Variants in CCDC148 observed in about 807,000 individuals in gnomAD.
CCDC148 encodes coiled-coil domain containing 148.
CCDC148 carries 89 observed loss-of-function variants against 85.7 expected under a neutral mutation model. The ratio of observed to expected loss-of-function variants is 1.04; its 90% CI spans 0.87 to 1.24. The LOEUF (loss-of-function observed/expected upper bound fraction) is 1.24. Among genes scored for constraint, CCDC148 ranks in the 50% most tolerant of loss-of-function variants. The pLI is 0.00. For missense variants in CCDC148, 692 were observed against 671.7 expected (o/e 1.03, Z -0.33); for synonymous variants, 230 against 213.9 (o/e 1.08, Z -0.66).
At position 158,456,462 on chromosome 2, in the gene CCDC148, C is replaced by T; in HGVS notation, c.-23G>A. 1.2e-6 allele frequency: 2 copies of T among 1,608,048 alleles called. No individual in the cohort carries two copies. Among genetic ancestry groups the T allele is most frequent in the East Asian group, 2.2e-5 (1 of 44,794 alleles). The stretch of plus-strand genomic sequence containing the variant: ...CATGTCAAAGGTCAAAGGGCATAGC[C>T]TCAGGGACTCCCCAAACGCAGGAAA... On this transcript the variant is annotated 5_prime_UTR_variant, in exon 1 of 14. Coordinates refer to ENST00000283233, the MANE Select transcript of CCDC148 (RefSeq NM_138803.4).
intron 1 of CCDC148, among the ~76,000 whole-genome samples, chr2:158,432,522 C>T (rs1350266977): frequency 6.6e-6 from 1 of 152,128 alleles, no homozygotes. Flanking sequence ...CTAAATGACA[C>T]AAATAGCCAA....
intron 1 of CCDC148, among the ~76,000 whole-genome samples, chr2:158,411,673 T>C (rs1394478586): frequency 6.6e-6 from 1 of 152,192 alleles, no homozygotes; most frequent in African/African-American, 2.4e-5. Flanking sequence ...TGTCAGGCAA[T>C]TTGTAGATCC....
intron 1 of CCDC148, among the ~76,000 whole-genome samples, chr2:158,437,720 T>C (rs1268741632): frequency 6.6e-6 from 1 of 152,116 alleles, no homozygotes; most frequent in Non-Finnish European, 1.5e-5. Context: ...ATTGTATATC[T>C]AGAAAACCCC....
chr2:158,345,850 G>A (rs1682969511), intron 2 of CCDC148, among the ~76,000 whole-genome samples: 1 of 152,082 alleles, frequency 6.6e-6, no homozygotes, highest in African/African-American at 2.4e-5. Context: ...AAGGTTCCTT[G>A]GATAAGTTTT....
Position 158,250,771 on chromosome 2 carries a change from C to CA in CCDC148, c.1251_1251+1insT (p.Ile418TyrfsTer32), listed in dbSNP as rs1553488897. ...ATTCGTATTGACAATAGATTTTTTA[C>CA]TTTTTTTTTCTTCTCTGCTCTTTGC... On this transcript the variant is annotated frameshift_variant and splice_region_variant. Transcript: ENST00000283233. LOFTEE classifies it high-confidence loss of function. 1 of 1,535,178 alleles carries CA rather than the reference C, an allele frequency of 6.5e-7. No homozygotes were observed. The highest frequency in any genetic ancestry group is 1.4e-5 in the African/African-American group (1 of 71,844).
At chr2:158,415,520 C>T (rs867236381) in intron 1 of CCDC148, among the ~76,000 whole-genome samples, 1 of 152,240 alleles carries the variant, frequency 6.6e-6, no homozygotes, top group African/African-American at 2.4e-5. Flanking sequence ...ACAATCATCC[C>T]TTCTCAACAG....
At chr2:158,400,314 C>T (rs1685720611) in intron 1 of CCDC148, among the ~76,000 whole-genome samples, 1 of 152,138 alleles carries the variant, frequency 6.6e-6, no homozygotes, top group African/African-American at 2.4e-5. Flanking sequence ...AACTATACTA[C>T]AAGGCTACAG....
At chr2:158,254,151 T>G (rs1230923468) in intron 9 of CCDC148, among the ~76,000 whole-genome samples, 1 of 151,736 alleles carries the variant, frequency 6.6e-6, no homozygotes, top group East Asian at 1.9e-4. Flanking sequence ...GGTTTATATT[T>G]GGATTCTGAT....
At chr2:158,408,806 C>T (rs1686134383) in intron 1 of CCDC148, among the ~76,000 whole-genome samples, 1 of 151,998 alleles carries the variant, frequency 6.6e-6, no homozygotes, top group Non-Finnish European at 1.5e-5. Flanking sequence ...TACATCCCCA[C>T]CAATAATGTC....
At chr2:158,176,914 T>C (rs1684618468) in intron 12 of CCDC148, among the ~76,000 whole-genome samples, 1 of 152,130 alleles carries the variant, frequency 6.6e-6, no homozygotes. Flanking sequence ...ATTGAATAAT[T>C]ATAATTAATT....
chr2:158,221,751 A>C (rs1269453293), intron 10 of CCDC148, among the ~76,000 whole-genome samples: 6 of 152,220 alleles, frequency 3.9e-5, no homozygotes, highest in Non-Finnish European at 8.8e-5. Flanking sequence ...CTGCAGCCAC[A>C]ATAGCAACAT....
At chr2:158,274,199 A>G (rs769659325) in intron 9 of CCDC148, among the ~76,000 whole-genome samples, 9 of 152,230 alleles carry the variant, frequency 5.9e-5, no homozygotes, top group Non-Finnish European at 1.2e-4. Flanking sequence ...CAGCAGCACA[A>G]GTATCATCTA....
At chr2:158,395,796 T>C (rs1559118249) in intron 1 of CCDC148, among the ~76,000 whole-genome samples, 1 of 152,154 alleles carries the variant, frequency 6.6e-6, no homozygotes, top group Non-Finnish European at 1.5e-5. Flanking sequence ...GTTGCTGCTA[T>C]TATTTTTTGA....
At chr2:158,289,460 A>G (rs1690787048) in intron 9 of CCDC148, among the ~76,000 whole-genome samples, 1 of 152,268 alleles carries the variant, frequency 6.6e-6, no homozygotes, top group Non-Finnish European at 1.5e-5. Flanking sequence ...CCAGATAGCC[A>G]TTAAACATGC....
chr2:158,242,673 A>G (rs961730654), intron 10 of CCDC148, among the ~76,000 whole-genome samples: 1 of 140,726 alleles, frequency 7.1e-6, no homozygotes, highest in African/African-American at 2.7e-5. Context: ...GCTCTTCTTC[A>G]TCTTTATTCT....
intron 10 of CCDC148, among the ~76,000 whole-genome samples, chr2:158,232,164 A>G (rs1386107022): frequency 1.3e-5 from 2 of 152,140 alleles, no homozygotes; most frequent in Non-Finnish European, 2.9e-5. Flanking sequence ...ATTATCCCCT[A>G]TCTCCTCTTA....
chr2:158,356,650 A>T (rs1162072738), intron 2 of CCDC148, among the ~76,000 whole-genome samples: 9 of 147,092 alleles, frequency 6.1e-5, no homozygotes, highest in Non-Finnish European at 1.2e-4. Context: ...AAACTAGTTC[A>T]ACCATTGTGG....
chr2:158,184,903 A>G (rs1369307162), intron 11 of CCDC148, among the ~76,000 whole-genome samples: 1 of 152,148 alleles, frequency 6.6e-6, no homozygotes, highest in Non-Finnish European at 1.5e-5. Context: ...CATTTCTGAC[A>G]AGTTTCCAGG....
chr2:158,285,288 CA>C (rs536016379), intron 9 of CCDC148, among the ~76,000 whole-genome samples: 24,504 of 96,154 alleles, frequency 0.25, 1,938 homozygotes, highest in Middle Eastern at 0.32. Context: ...AACTCCATTT[CA>C]AAAAAAAAAA....
Sources: gnomAD v4.1 joint callset for allele counts (sites outside exome capture counted in the v4.1 genomes callset) on GRCh38, gnomAD v4.1.1 for gene constraint, MANE v1.5 for transcripts, NCBI Gene and HGNC (gene_info 2026-07-23, HGNC 2026-07-21) for gene names.